Variants in KAZN observed in about 807,000 individuals in gnomAD.
The protein encoded by KAZN is kazrin, periplakin interacting protein.
In KAZN, 40 loss-of-function variants were observed where a neutral mutation model predicts 87.4. The observed-to-expected ratio is 0.46, with a 90% CI of 0.36 to 0.60. The LOEUF is 0.60. Among genes scored for constraint, KAZN ranks in the 20% least tolerant of loss-of-function variants. The pLI is 0.00. For missense variants in KAZN, 898 were observed against 1,073.9 expected (o/e 0.84, Z 2.29); for synonymous variants, 466 against 458.3 (o/e 1.02, Z -0.22).
chr1:14,282,131 T>C (rs1413963735), intron 2 of KAZN, among the ~76,000 whole-genome samples: 2 of 152,218 alleles, frequency 1.3e-5, no homozygotes, highest in Non-Finnish European at 2.9e-5. Context: ...TTTGACATCT[T>C]TACCTTCTTA....
intron 2 of KAZN, among the ~76,000 whole-genome samples, chr1:14,561,414 T>C (rs1019247893): frequency 3.9e-5 from 6 of 152,168 alleles, no homozygotes; most frequent in African/African-American, 1.4e-4. Flanking sequence ...AAATGATGAT[T>C]GAAAGGCTTG....
chr1:14,407,441 T>C (rs1236885871), intron 2 of KAZN, among the ~76,000 whole-genome samples: 1 of 151,988 alleles, frequency 6.6e-6, no homozygotes, highest in Admixed American at 6.6e-5. Context: ...TGGTGGTAAA[T>C]GGGGGGAAAA....
At chr1:14,638,564 G>A (rs1327688834) in intron 1 of KAZN, among the ~76,000 whole-genome samples, 6 of 109,212 alleles carry the variant, frequency 5.5e-5, no homozygotes, top group Middle Eastern at 4.5e-3. Context: ...GCAAGACTCC[G>A]TCTCAAAAAA....
intron 8 of KAZN, among the ~76,000 whole-genome samples, chr1:15,091,157 T>A (rs1034198946): frequency 3.9e-5 from 6 of 152,134 alleles, no homozygotes; most frequent in Admixed American, 6.5e-5. Flanking sequence ...CAATTACCTA[T>A]CACTTCTTTT....
intron 1 of KAZN, among the ~76,000 whole-genome samples, chr1:14,657,058 G>T (rs1367253658): frequency 1.3e-5 from 2 of 150,860 alleles, no homozygotes; most frequent in African/African-American, 4.9e-5. Flanking sequence ...CACCTCCTAG[G>T]GTGGGGTGAA....
At chr1:14,707,337 C>T (rs769348642) in intron 1 of KAZN, among the ~76,000 whole-genome samples, 18 of 152,172 alleles carry the variant, frequency 1.2e-4, no homozygotes, top group Non-Finnish European at 2.1e-4. Context: ...ACTCCAACCA[C>T]GGCACCTAGT....
chr1:14,596,119 C>A (rs904809444), upstream of KAZN, among the ~76,000 whole-genome samples: 2 of 152,166 alleles, frequency 1.3e-5, no homozygotes, highest in Non-Finnish European at 2.9e-5. Flanking sequence ...CACACGCATT[C>A]ATTTACAGAA....
exon 1 of KAZN, chr1:13,893,064 C>T (rs552382777): frequency 1.3e-5 from 2 of 151,954 alleles, no homozygotes; most frequent in South Asian, 2.1e-4. Flanking sequence ...AGCCGGACGC[C>T]TGGCGCGTGC....
intron 2 of KAZN, among the ~76,000 whole-genome samples, chr1:14,368,021 C>T (rs533403876): frequency 6.6e-6 from 1 of 152,314 alleles, no homozygotes; most frequent in Non-Finnish European, 1.5e-5. Context: ...CTTGGTTTCA[C>T]CCCCAAGCTA....
intron 2 of KAZN, among the ~76,000 whole-genome samples, chr1:14,396,254 G>T (rs11801534): frequency 3.3e-5 from 5 of 151,460 alleles, no homozygotes; most frequent in African/African-American, 1.2e-4. Flanking sequence ...GTGGGCCTTA[G>T]AAAAGATATC....
At chr1:14,489,736 A>AAATAATAATAAT (rs57610968) in intron 2 of KAZN, among the ~76,000 whole-genome samples, 7,223 of 144,432 alleles carry the variant, frequency 0.05, 212 homozygotes, top group East Asian at 0.069. Context: ...TCTGTCTTAA[A>AAATAATAATAAT]AATAATAATA....
At chr1:14,695,799 C>T (rs527420974) in intron 1 of KAZN, among the ~76,000 whole-genome samples, 24 of 152,064 alleles carry the variant, frequency 1.6e-4, no homozygotes, top group Middle Eastern at 3.4e-3. Flanking sequence ...CCACCGTGCC[C>T]GGCCTCTCCA....
chr1:14,075,306 C>T (rs928728448), intron 1 of KAZN, among the ~76,000 whole-genome samples: 3 of 152,170 alleles, frequency 2.0e-5, no homozygotes, highest in Admixed American at 6.5e-5. Context: ...GCAACTGCAG[C>T]GGAGGTGCCT....
At chr1:14,567,285 C>T (rs953603130) in intron 2 of KAZN, among the ~76,000 whole-genome samples, 1 of 152,140 alleles carries the variant, frequency 6.6e-6, no homozygotes, top group African/African-American at 2.4e-5. Flanking sequence ...GCTGTCGGAA[C>T]ACACAAAATT....
chr1:14,210,889 T>A (rs1019502352), intron 2 of KAZN, among the ~76,000 whole-genome samples: 1 of 152,186 alleles, frequency 6.6e-6, no homozygotes, highest in Non-Finnish European at 1.5e-5. Flanking sequence ...AATTAATCTG[T>A]GACAATATCA....
intron 2 of KAZN, among the ~76,000 whole-genome samples, chr1:14,187,964 A>G (rs1272895161): frequency 6.6e-6 from 1 of 152,034 alleles, no homozygotes; most frequent in Non-Finnish European, 1.5e-5. Context: ...TTGCCAGCCT[A>G]TGGGGGAAAC....
intron 2 of KAZN, among the ~76,000 whole-genome samples, chr1:14,371,154 A>G (rs1178202159): frequency 6.6e-6 from 1 of 152,160 alleles, no homozygotes; most frequent in African/African-American, 2.4e-5. Flanking sequence ...CCCATCTCAG[A>G]GTTCCAGGTT....
At chr1:13,951,687 T>G (rs1385079724) in intron 1 of KAZN, among the ~76,000 whole-genome samples, 5 of 151,568 alleles carry the variant, frequency 3.3e-5, no homozygotes, top group Non-Finnish European at 7.4e-5. Context: ...TCTTCTGGGT[T>G]GATTTGGGAT....
At chr1:14,910,200 A>G (rs944213643) in intron 1 of KAZN, among the ~76,000 whole-genome samples, 1 of 152,146 alleles carries the variant, frequency 6.6e-6, no homozygotes, top group African/African-American at 2.4e-5. Context: ...CCCTCCTAAC[A>G]TTCATTCCTG....
Sources: gnomAD v4.1 joint callset for allele counts (sites outside exome capture counted in the v4.1 genomes callset) on GRCh38, gnomAD v4.1.1 for gene constraint, MANE v1.5 for transcripts, NCBI Gene and HGNC (gene_info 2026-07-23, HGNC 2026-07-21) for gene names.